ERBB4: variants seen among roughly 807,000 people sequenced by gnomAD.
ERBB4 encodes erb-b2 receptor tyrosine kinase 4.
In ERBB4, 42 loss-of-function variants were observed where a neutral mutation model predicts 158.0. The ratio of observed to expected loss-of-function variants is 0.27; its 90% CI spans 0.21 to 0.34. The LOEUF is 0.34. Ranked by LOEUF, ERBB4 falls within the 10% of genes least tolerant of loss-of-function variation. The pLI, the probability that ERBB4 is intolerant of heterozygous loss-of-function variation, is 1.00. For missense variants in ERBB4, 1,333 were observed against 1,624.1 expected (o/e 0.82, Z 3.08); for synonymous variants, 583 against 558.7 (o/e 1.04, Z -0.61).
rs527260200 is a variant in ERBB4, at chr2:212,271,656, G to A, written c.83-146753C>T. The stretch of plus-strand genomic sequence containing the variant: ...ATTGTCAATGTATCTTTCTTGTTCC[G>A]AACAGCAAGTAGAAATCAAGAGGTC... On this transcript the variant is annotated intron_variant, in intron 1 of 27. Transcript: ENST00000342788. 4.6e-5 allele frequency among the ~76,000 whole-genome samples: 7 copies of A among 151,696 alleles called. No homozygotes were observed. In the South Asian group the frequency reaches 6.2e-4, roughly 13 times the overall value.
At chr2:211,439,018 G>A (rs540306560) in intron 20 of ERBB4, among the ~76,000 whole-genome samples, 1 of 149,716 alleles carries the variant, frequency 6.7e-6, no homozygotes, top group East Asian at 2.0e-4. Context: ...GTGTGTGTAA[G>A]CATGTGTGTG....
chr2:211,545,173 T>C (rs72941347), intron 20 of ERBB4, among the ~76,000 whole-genome samples: 30 of 152,212 alleles, frequency 2.0e-4, no homozygotes, highest in Non-Finnish European at 4.3e-4. Flanking sequence ...ATCCAAAATA[T>C]TTAAAGCAAA....
intron 3 of ERBB4, among the ~76,000 whole-genome samples, chr2:211,940,681 T>C (rs576277567): frequency 3.9e-4 from 60 of 152,268 alleles, no homozygotes; most frequent in Admixed American, 3.1e-3. Flanking sequence ...TTATATGCCC[T>C]GAGCAGATCA....
At chr2:212,100,281 A>G (rs1282473389) in intron 2 of ERBB4, among the ~76,000 whole-genome samples, 1 of 152,206 alleles carries the variant, frequency 6.6e-6, no homozygotes. Context: ...GTGTAAGGAC[A>G]AGGTGATGAA....
chr2:211,555,182 CTG>C (rs1302093782), intron 20 of ERBB4, among the ~76,000 whole-genome samples: 1 of 151,936 alleles, frequency 6.6e-6, no homozygotes, highest in Non-Finnish European at 1.5e-5. Flanking sequence ...GTGTTTAAGT[CTG>C]TGTTTTCTTT....
chr2:212,536,528 G>T (rs1202984038), intron 1 of ERBB4, among the ~76,000 whole-genome samples: 3 of 152,138 alleles, frequency 2.0e-5, no homozygotes, highest in Non-Finnish European at 4.4e-5. Flanking sequence ...ACAATGGCAC[G>T]CTAATCCTCG....
intron 1 of ERBB4, among the ~76,000 whole-genome samples, chr2:212,248,704 G>T (rs1297050158): frequency 6.6e-6 from 1 of 151,990 alleles, no homozygotes; most frequent in Non-Finnish European, 1.5e-5. Flanking sequence ...ACTCAGCATT[G>T]TCATCAAAAT....
intron 3 of ERBB4, among the ~76,000 whole-genome samples, chr2:211,861,339 GTTTTTTTTTTGTTTTT>G (rs2078045623): frequency 1.1e-5 from 1 of 89,836 alleles, no homozygotes; most frequent in African/African-American, 4.4e-5. Context: ...TTTTTTTTTT[GTTTTTTTTTTGTTTTT>G]TTTTTTTTTT....
rs372330066 is a variant in ERBB4, at chr2:211,716,557, T to A, written c.884-2909A>T. ...CGGGCCTGGTGGCGGGCGCCTGTAG[T>A]CCCAGCTACTCGGGAGGCTGAGGCA... On this transcript the variant is annotated intron_variant, in intron 7 of 27. Coordinates refer to ENST00000342788, the MANE Select transcript of ERBB4 (RefSeq NM_005235.3). 4.8e-4 allele frequency among the ~76,000 whole-genome samples: 73 copies of A among 151,446 alleles called. No homozygotes were observed. The East Asian group carries it at 9.0e-3, about 19-fold the overall frequency.
At chr2:212,072,444 T>C (rs2078150001) in intron 2 of ERBB4, among the ~76,000 whole-genome samples, 1 of 151,900 alleles carries the variant, frequency 6.6e-6, no homozygotes, top group African/African-American at 2.4e-5. Context: ...ATCCACAACA[T>C]GATCCCTCTC....
chr2:211,417,943 T>A (rs2063429189), intron 25 of ERBB4, among the ~76,000 whole-genome samples: 1 of 152,184 alleles, frequency 6.6e-6, no homozygotes, highest in Non-Finnish European at 1.5e-5. Flanking sequence ...TGCAATTTTT[T>A]AAAGTTAATT....
At chr2:212,381,874 T>A (rs1020916409) in intron 1 of ERBB4, among the ~76,000 whole-genome samples, 2 of 151,378 alleles carry the variant, frequency 1.3e-5, no homozygotes, top group Admixed American at 6.6e-5. Flanking sequence ...TGTTTTTATA[T>A]ATTATAACTT....
intron 1 of ERBB4, among the ~76,000 whole-genome samples, chr2:212,206,951 T>A: frequency 6.6e-6 from 1 of 150,466 alleles, no homozygotes; most frequent in Admixed American, 6.6e-5. Flanking sequence ...AGTAGCATGA[T>A]CAATTTTATG....
At chr2:212,377,763 A>G (rs2090372590) in intron 1 of ERBB4, among the ~76,000 whole-genome samples, 1 of 151,942 alleles carries the variant, frequency 6.6e-6, no homozygotes, top group African/African-American at 2.4e-5. Flanking sequence ...TCCTTTCTTC[A>G]ATAATATAAC....
rs545438661 is a variant in ERBB4 at position 211,944,688 on chromosome 2, T to C, written c.421+2742A>G. 4.6e-5 allele frequency among the ~76,000 whole-genome samples: 7 copies of C among 152,300 alleles called. No individual in the cohort carries two copies. In the South Asian group the frequency reaches 6.2e-4, roughly 14 times the overall value. ...ATTGTGCTACCATTTCTTGGTAACA[T>C]ACCATTAATTAGAGTAGATCTTCTC... On this transcript the variant is annotated intron_variant, in intron 3 of 27. Transcript: ENST00000342788.
intron 20 of ERBB4, among the ~76,000 whole-genome samples, chr2:211,442,659 A>T (rs1413951597): frequency 1.3e-5 from 2 of 151,844 alleles, no homozygotes; most frequent in Non-Finnish European, 2.9e-5. Context: ...TGTGTGTGTT[A>T]TATGTATGTA....
chr2:211,493,782 C>G (rs1037172960), intron 20 of ERBB4, among the ~76,000 whole-genome samples: 2 of 151,954 alleles, frequency 1.3e-5, no homozygotes. Context: ...GTTAATAAAT[C>G]AAAAGTATTT....
chr2:211,858,191 C>T (rs1214347399), intron 3 of ERBB4, among the ~76,000 whole-genome samples: 1 of 152,070 alleles, frequency 6.6e-6, no homozygotes, highest in African/African-American at 2.4e-5. Flanking sequence ...AGACAGAGTG[C>T]ACAGTGATAC....
chr2:212,241,853 T>C (rs1411029397), intron 1 of ERBB4, among the ~76,000 whole-genome samples: 1 of 138,104 alleles, frequency 7.2e-6, no homozygotes, highest in Non-Finnish European at 1.5e-5. Context: ...TATTTTCATG[T>C]GCCATGTGAA....
Sources: allele counts gnomAD v4.1 joint callset (sites outside exome capture counted in the v4.1 genomes callset), GRCh38; gene constraint gnomAD v4.1.1; transcripts MANE v1.5; gene names NCBI Gene and HGNC (gene_info 2026-07-23, HGNC 2026-07-21).